Variants in CNTN1 observed in about 807,000 individuals in gnomAD.
The protein encoded by CNTN1 is contactin 1.
Under a neutral mutation model 126.4 loss-of-function variants are expected in CNTN1, and 38 were observed. That is an observed-to-expected ratio of 0.30 (90% confidence interval 0.23 to 0.39). The LOEUF (loss-of-function observed/expected upper bound fraction) is 0.39, where lower values mean the gene tolerates loss of function less well. Among genes scored for constraint, CNTN1 ranks in the 10% least tolerant of loss-of-function variants. The pLI, the probability that CNTN1 is intolerant of heterozygous loss-of-function variation, is 1.00. For missense variants in CNTN1, 1,009 were observed against 1,248.4 expected, an observed-to-expected ratio of 0.81 and a Z score of 2.89; for synonymous variants, 413 against 422.6, an observed-to-expected ratio of 0.98 and a Z score of 0.28.
At chr12:41,032,697 T>A (rs1313459890) in intron 23 of CNTN1, among the ~76,000 whole-genome samples, 1 of 152,252 alleles carries the variant, frequency 6.6e-6, no homozygotes, top group Non-Finnish European at 1.5e-5. Flanking sequence ...AGCAGGCTAC[T>A]CTGAGTAAAT....
rs769861119 is a variant in CNTN1, at chr12:40,929,763, A to G, written c.497-33A>G. On this transcript the variant is annotated intron_variant, in intron 6 of 23. Coordinates refer to ENST00000551295, the MANE Select transcript of CNTN1 (RefSeq NM_001843.4). ...ATTATGTAACAACTTTGGGAGAAGC[A>G]CTTAATATTTAGAAGGCAATATTTT... 7.3e-6 allele frequency: 11 copies of G among 1,516,944 alleles called. No individual in the cohort carries two copies. The East Asian group carries it at 2.5e-4, about 34-fold the overall frequency. 94.0% of individuals were successfully genotyped at this position (1,516,944 alleles called of 1,614,324 possible). A position where few individuals can be genotyped will look rare whatever the true frequency, so the allele number is the denominator to read the frequency against.
chr12:40,958,694 T>C (rs1946988678), intron 14 of CNTN1, among the ~76,000 whole-genome samples: 1 of 152,042 alleles, frequency 6.6e-6, no homozygotes, highest in African/African-American at 2.4e-5. Context: ...ATATTAAAAC[T>C]AGTCAATTAG....
intron 1 of CNTN1, among the ~76,000 whole-genome samples, chr12:40,829,421 AGT>A (rs1035453900): frequency 6.6e-6 from 1 of 152,088 alleles, no homozygotes; most frequent in Non-Finnish European, 1.5e-5. Flanking sequence ...TGTTTTTAAA[AGT>A]GTGTTTGCTA....
chr12:40,892,354 C>T (rs577349202), intron 1 of CNTN1, among the ~76,000 whole-genome samples: 9 of 152,034 alleles, frequency 5.9e-5, no homozygotes, highest in African/African-American at 1.7e-4. Context: ...TTGTTTGTTT[C>T]GTAAAATAAT....
At chr12:40,879,638 G>A (rs1161152547) in intron 1 of CNTN1, among the ~76,000 whole-genome samples, 1 of 152,100 alleles carries the variant, frequency 6.6e-6, no homozygotes, top group Non-Finnish European at 1.5e-5. Context: ...CAGGCAGCAA[G>A]GAGGGAGATT....
chr12:40,846,730 C>T (rs9325193), intron 1 of CNTN1, among the ~76,000 whole-genome samples: 65,374 of 151,882 alleles, frequency 0.43, 14,388 homozygotes, highest in East Asian at 0.7. Context: ...CTCTCTTTGT[C>T]ACCCAGGCTG....
intron 1 of CNTN1, among the ~76,000 whole-genome samples, chr12:40,810,094 T>G (rs911905576): frequency 6.6e-6 from 1 of 152,172 alleles, no homozygotes; most frequent in Non-Finnish European, 1.5e-5. Context: ...GATAAGTACC[T>G]TTTTAATGAT....
intron 1 of CNTN1, among the ~76,000 whole-genome samples, chr12:40,862,689 T>G (rs895219150): frequency 2.0e-5 from 3 of 152,190 alleles, no homozygotes; most frequent in African/African-American, 7.2e-5. Flanking sequence ...TTGTATGCTG[T>G]ATTGTCAATG....
At position 40,802,106 on chromosome 12, in the gene CNTN1, G is replaced by T. The variant is rs183941324; in HGVS notation, c.-76-106251G>T. ...GAACTGAAGGAAGACCAGATTTTGG[G>T]AAAATATTGAGAGTTCAGTTATCTC... On this transcript the variant is annotated intron_variant, in intron 1 of 23. Coordinates refer to ENST00000551295, the MANE Select transcript of CNTN1 (RefSeq NM_001843.4). Among the ~76,000 whole-genome samples, 482 of 152,066 alleles carry T rather than the reference G, an allele frequency of 3.2e-3. 1 individual carries two copies. The highest frequency in any genetic ancestry group is 0.017 in the Middle Eastern group (5 of 294).
At chr12:40,896,671 C>T (rs955588266) in intron 1 of CNTN1, among the ~76,000 whole-genome samples, 1 of 152,186 alleles carries the variant, frequency 6.6e-6, no homozygotes, top group African/African-American at 2.4e-5. Context: ...ACTTTCTTTC[C>T]TCAACCTTTT....
At chr12:40,918,223 A>G (rs1399647217) in intron 3 of CNTN1, among the ~76,000 whole-genome samples, 2 of 152,170 alleles carry the variant, frequency 1.3e-5, no homozygotes, top group African/African-American at 4.8e-5. Context: ...AAGAGGACCA[A>G]TAAAAGCCAG....
intron 11 of CNTN1, among the ~76,000 whole-genome samples, chr12:40,937,956 G>A (rs1946136530): frequency 6.6e-6 from 1 of 152,078 alleles, no homozygotes; most frequent in African/African-American, 2.4e-5. Flanking sequence ...AGAATCCCAG[G>A]CTCACCCCAG....
chr12:40,886,040 A>G (rs1202704313), intron 1 of CNTN1, among the ~76,000 whole-genome samples: 1 of 152,050 alleles, frequency 6.6e-6, no homozygotes, highest in East Asian at 1.9e-4. Flanking sequence ...GTTTATATTT[A>G]TCTTCTGCTT....
At chr12:41,032,287 G>GAA (rs1949160250) in intron 23 of CNTN1, among the ~76,000 whole-genome samples, 1 of 149,598 alleles carries the variant, frequency 6.7e-6, no homozygotes, top group South Asian at 2.1e-4. Context: ...GGAATGGTGT[G>GAA]AACCCTGGAG....
chr12:40,729,648 T>C (rs1198573132), intron 1 of CNTN1: 1 of 219,726 alleles, frequency 4.6e-6, no homozygotes, highest in South Asian at 8.1e-5. Context: ...GTCCACAAAC[T>C]TTTTCATACA....
chr12:40,853,587 T>G (rs960529237), intron 1 of CNTN1, among the ~76,000 whole-genome samples: 1 of 152,122 alleles, frequency 6.6e-6, no homozygotes. Context: ...ACACCCACTA[T>G]CTGTAAGACA....
At chr12:40,874,054 T>A (rs1943590963) in intron 1 of CNTN1, among the ~76,000 whole-genome samples, 1 of 152,134 alleles carries the variant, frequency 6.6e-6, no homozygotes, top group Non-Finnish European at 1.5e-5. Flanking sequence ...ATTTAGTAAA[T>A]GCCTACCATG....
intron 1 of CNTN1, among the ~76,000 whole-genome samples, chr12:40,792,184 C>T (rs1162257649): frequency 1.3e-5 from 2 of 152,030 alleles, no homozygotes; most frequent in African/African-American, 4.8e-5. Flanking sequence ...GAGGAAATAA[C>T]ACATGAGTTG....
At chr12:40,733,754 A>G (rs1227079053) in intron 1 of CNTN1, among the ~76,000 whole-genome samples, 1 of 152,072 alleles carries the variant, frequency 6.6e-6, no homozygotes, top group Non-Finnish European at 1.5e-5. Context: ...CTACTGCCAC[A>G]CAGCTCCATT....
Sources: allele counts gnomAD v4.1 joint callset (sites outside exome capture counted in the v4.1 genomes callset), GRCh38; gene constraint gnomAD v4.1.1; transcripts MANE v1.5; gene names NCBI Gene and HGNC (gene_info 2026-07-23, HGNC 2026-07-21).